WDPCP: variants seen among roughly 807,000 people sequenced by gnomAD.
The protein encoded by WDPCP is WD repeat-containing and planar cell polarity effector protein fritz homolog.
WDPCP carries 71 observed loss-of-function variants against 93.1 expected under a neutral mutation model. The observed-to-expected ratio is 0.76, with a 90% confidence interval of 0.63 to 0.93. The LOEUF (loss-of-function observed/expected upper bound fraction) is 0.93. Ranked by LOEUF, WDPCP falls within the 40% of genes least tolerant of loss-of-function variation. The probability of loss-of-function intolerance (pLI) is 0.00; values close to 1 mark genes in which losing one functional copy is unlikely to be tolerated. For synonymous variants in WDPCP, 315 were observed against 315.0 expected (o/e 1.00, Z 0.00); for missense variants, 844 against 887.4 (o/e 0.95, Z 0.62).
chr2:63,495,905 G>A (rs539922251), intron 1 of WDPCP, among the ~76,000 whole-genome samples: 2 of 152,142 alleles, frequency 1.3e-5, no homozygotes, highest in Middle Eastern at 3.2e-3. Flanking sequence ...ATCCAGAAGT[G>A]GAGAAGTTAC....
chr2:63,211,490 TA>T (rs1334666552), intron 14 of WDPCP, among the ~76,000 whole-genome samples: 3 of 152,130 alleles, frequency 2.0e-5, no homozygotes, highest in Admixed American at 6.5e-5. Context: ...CAAAGGTAGA[TA>T]AAACCACAAA....
At chr2:63,141,084 C>CTT (rs775802578) in intron 17 of WDPCP, among the ~76,000 whole-genome samples, 1 of 144,862 alleles carries the variant, frequency 6.9e-6, no homozygotes, top group Non-Finnish European at 1.5e-5. Flanking sequence ...GTGATTTTTA[C>CTT]TTTTTTTTTT....
chr2:63,578,037 A>G (rs1558837061), intron 1 of WDPCP, among the ~76,000 whole-genome samples: 1 of 152,228 alleles, frequency 6.6e-6, no homozygotes, highest in African/African-American at 2.4e-5. Context: ...TCACAGAAAT[A>G]CTGAATAGCT....
At chr2:63,221,106 T>C (rs1280992803) in intron 14 of WDPCP, among the ~76,000 whole-genome samples, 2 of 152,226 alleles carry the variant, frequency 1.3e-5, no homozygotes, top group East Asian at 3.8e-4. Context: ...CTATCATTGA[T>C]GGGCATTTGG....
intron 2 of WDPCP, 92 bp from the exon 3 acceptor site, chr2:63,487,586 G>A: frequency 1.1e-6 from 1 of 900,040 alleles, no homozygotes; most frequent in Non-Finnish European, 1.8e-6. Flanking sequence ...AGGATAGGGA[G>A]AAAAGCAGAA....
rs1020109275 is a variant in WDPCP, at chr2:63,270,963, C to T, written c.1813-11554G>A. Among the ~76,000 whole-genome samples, 5 of 152,320 alleles carry T rather than the reference C, an allele frequency of 3.3e-5. No individual in the cohort carries two copies. The East Asian group carries it at 7.7e-4, about 24-fold the overall frequency. ...AGAAATGATATGCTTCTCTGGGGCACAATAGCCCCTGAATGTCCACATCAC... is the reference window on the plus strand; with the variant it reads ...AGAAATGATATGCTTCTCTGGGGCATAATAGCCCCTGAATGTCCACATCAC... On this transcript the variant is annotated intron_variant, in intron 13 of 17. Transcript: ENST00000272321.
At chr2:63,588,050 C>G in intron 1 of WDPCP, 147 bp downstream of exon 1, 1 of 983,134 alleles carries the variant, frequency 1.0e-6, no homozygotes, top group African/African-American at 1.6e-5. Flanking sequence ...AGCTGCATTC[C>G]CACAGCCCTC....
chr2:63,378,137 A>G (rs188245561), intron 12 of WDPCP: 58 of 483,800 alleles, frequency 1.2e-4, no homozygotes, highest in East Asian at 1.1e-3. Context: ...GACTTTACAT[A>G]GCTTTCATAT....
chr2:63,362,279 G>GGT (rs1690539739), intron 12 of WDPCP, among the ~76,000 whole-genome samples: 2 of 74,218 alleles, frequency 2.7e-5, no homozygotes, highest in African/African-American at 1.1e-4. Flanking sequence ...TTTTTTGGTT[G>GGT]TGTGTGTGTG....
intron 17 of WDPCP, among the ~76,000 whole-genome samples, chr2:63,142,803 G>C (rs778949369): frequency 1.3e-5 from 2 of 150,172 alleles, no homozygotes; most frequent in Non-Finnish European, 3.0e-5. Context: ...AAATTTGGGA[G>C]CTGCAGTGTT....
intron 17 of WDPCP, among the ~76,000 whole-genome samples, chr2:63,138,173 G>T (rs1231405230): frequency 6.7e-6 from 1 of 149,938 alleles, no homozygotes; most frequent in Non-Finnish European, 1.5e-5. Flanking sequence ...TTGCACTGCA[G>T]TGAGCATCCT....
chr2:63,727,309 A>G (rs749444944), intron 2 of WDPCP, among the ~76,000 whole-genome samples: 10 of 152,122 alleles, frequency 6.6e-5, no homozygotes, highest in Non-Finnish European at 1.2e-4. Flanking sequence ...ATAATCATGT[A>G]GTTTTTGTTT....
At chr2:63,439,430 A>C (rs1050238622) in intron 7 of WDPCP, among the ~76,000 whole-genome samples, 2 of 152,156 alleles carry the variant, frequency 1.3e-5, no homozygotes, top group African/African-American at 4.8e-5. Context: ...ATTTGGAAAT[A>C]AAATATATAT....
At position 63,365,885 on chromosome 2, in the gene WDPCP, A is replaced by T. The variant is rs561578793; in HGVS notation, c.1748+12501T>A. ...GATAAACACTGTTGTAAATTTATTT[A>T]ACCCTAAACTATTTGTGTGTCATTC... On this transcript the variant is annotated intron_variant, in intron 12 of 17. Coordinates refer to ENST00000272321, the MANE Select transcript of WDPCP (RefSeq NM_015910.7). 2.6e-5 allele frequency among the ~76,000 whole-genome samples: 4 copies of T among 152,342 alleles called. No homozygotes were observed. The East Asian group carries it at 7.7e-4, about 29-fold the overall frequency.
At chr2:63,188,797 T>C (rs1850985) in intron 14 of WDPCP, among the ~76,000 whole-genome samples, 47,587 of 152,000 alleles carry the variant, frequency 0.31, 8,234 homozygotes, top group East Asian at 0.52. Flanking sequence ...TGCATTTCTT[T>C]AAGGCAAATT....
At chr2:63,688,062 T>C (rs1299571948) in intron 2 of WDPCP, among the ~76,000 whole-genome samples, 1 of 152,184 alleles carries the variant, frequency 6.6e-6, no homozygotes, top group Non-Finnish European at 1.5e-5. Context: ...GAGATCATTA[T>C]AGCTAAGTGA....
At chr2:63,139,573 T>A (rs1559147475) in intron 17 of WDPCP, among the ~76,000 whole-genome samples, 1 of 152,312 alleles carries the variant, frequency 6.6e-6, no homozygotes, top group East Asian at 1.9e-4. Context: ...TGATCATTAG[T>A]GATGTTGAGC....
At chr2:63,832,787 T>G (rs1671233706), upstream of WDPCP, among the ~76,000 whole-genome samples, 1 of 152,224 alleles carries the variant, frequency 6.6e-6, no homozygotes, top group Admixed American at 6.5e-5. Flanking sequence ...AAGAGAGACA[T>G]GGTCCTTGCT....
At chr2:63,366,752 T>C (rs1690944804) in intron 12 of WDPCP, among the ~76,000 whole-genome samples, 1 of 152,114 alleles carries the variant, frequency 6.6e-6, no homozygotes, top group Non-Finnish European at 1.5e-5. Context: ...CAAATACCTC[T>C]AGAAGAAAAC....
Sources: allele counts gnomAD v4.1 joint callset (sites outside exome capture counted in the v4.1 genomes callset), GRCh38; gene constraint gnomAD v4.1.1; transcripts MANE v1.5; gene names NCBI Gene and HGNC (gene_info 2026-07-23, HGNC 2026-07-21).